PHTF2: variants seen among roughly 807,000 people sequenced by gnomAD.
PHTF2 encodes protein PHTF2.
Under a neutral mutation model 101.2 loss-of-function variants are expected in PHTF2, and 60 were observed. The observed-to-expected ratio is 0.59, with a 90% confidence interval of 0.48 to 0.73. The LOEUF (loss-of-function observed/expected upper bound fraction) is 0.73, where lower values mean the gene tolerates loss of function less well. PHTF2 is among the 30% of genes least tolerant of loss of function. The probability of loss-of-function intolerance (pLI) is 0.00; values close to 1 mark genes in which losing one functional copy is unlikely to be tolerated. For missense variants in PHTF2, 747 were observed against 908.7 expected, an observed-to-expected ratio of 0.82 and a Z score of 2.29; for synonymous variants, 311 against 307.3, an observed-to-expected ratio of 1.01 and a Z score of -0.13.
At chr7:77,861,446 T>A (rs967660476) in intron 3 of PHTF2, among the ~76,000 whole-genome samples, 1 of 152,214 alleles carries the variant, frequency 6.6e-6, no homozygotes, top group African/African-American at 2.4e-5. Flanking sequence ...TTTCTTTTAC[T>A]TTTGACTCTT....
chr7:77,949,800 A>G, exon 17 of PHTF2: 1 of 1,535,098 alleles, frequency 6.5e-7, no homozygotes, highest in Non-Finnish European at 8.9e-7. Flanking sequence ...CAAGTAAAAA[A>G]TATAGTAATA....
At position 77,949,852 on chromosome 7, in the gene PHTF2, T is replaced by C. The variant is rs986755233; in HGVS notation, c.2115+19T>C. 7.8e-7 allele frequency: 1 copy of C among 1,281,288 alleles called. No individual in the cohort carries two copies. Among genetic ancestry groups the C allele is most frequent in the South Asian group, 1.4e-5 (1 of 71,862 alleles). 79.4% of individuals were successfully genotyped at this position (1,281,288 alleles called of 1,614,324 possible). On this transcript the variant is annotated intron_variant, in intron 17 of 19. Transcript: ENST00000416283. ...TGAACAGGTGAGTGTGCCTACTTAT[T>C]ATGCTACAAATTAATGTCTATAAGT...
chr7:77,868,738 C>G (rs1162536746), intron 3 of PHTF2, among the ~76,000 whole-genome samples: 7 of 152,118 alleles, frequency 4.6e-5, no homozygotes, highest in Non-Finnish European at 1.5e-5. Flanking sequence ...AGCCTATGGG[C>G]TTTTATGCTT....
chr7:77,896,890 G>A (rs1186891948), intron 5 of PHTF2, among the ~76,000 whole-genome samples: 1 of 152,110 alleles, frequency 6.6e-6, no homozygotes, highest in East Asian at 1.9e-4. Flanking sequence ...AGAAATCAAA[G>A]ACATGAAAAT....
At chr7:77,833,007 T>TA (rs1375125646) in intron 1 of PHTF2, among the ~76,000 whole-genome samples, 1 of 152,140 alleles carries the variant, frequency 6.6e-6, no homozygotes, top group African/African-American at 2.4e-5. Context: ...CGTAACAGTA[T>TA]ACTCTAATGA....
At chr7:77,861,778 C>G (rs567708191) in intron 3 of PHTF2, among the ~76,000 whole-genome samples, 37 of 152,262 alleles carry the variant, frequency 2.4e-4, no homozygotes, top group Non-Finnish European at 4.1e-4. Context: ...CAAAAATTAG[C>G]CAGCTGTGGT....
chr7:77,823,106 G>C (rs1022572646), intron 1 of PHTF2, among the ~76,000 whole-genome samples: 2 of 151,602 alleles, frequency 1.3e-5, no homozygotes, highest in South Asian at 2.1e-4. Context: ...GGGTTTCACC[G>C]TGTTAGCCAG....
At chr7:77,805,371 G>A (rs1046317960) in intron 1 of PHTF2, among the ~76,000 whole-genome samples, 10 of 151,846 alleles carry the variant, frequency 6.6e-5, no homozygotes, top group South Asian at 2.1e-4. Flanking sequence ...CCAGTTTTTC[G>A]TTTTCTATGT....
At chr7:77,829,219 T>G (rs1362300628) in intron 1 of PHTF2, among the ~76,000 whole-genome samples, 3 of 152,148 alleles carry the variant, frequency 2.0e-5, no homozygotes, top group African/African-American at 7.2e-5. Flanking sequence ...TCACTTAGAT[T>G]TTGTAACAGC....
intron 1 of PHTF2, among the ~76,000 whole-genome samples, chr7:77,808,434 C>T (rs1177196640): frequency 1.3e-5 from 2 of 152,212 alleles, no homozygotes; most frequent in East Asian, 1.9e-4. Flanking sequence ...TCTGTCTCCT[C>T]ATCATGAATT....
intron 2 of PHTF2, among the ~76,000 whole-genome samples, chr7:77,841,815 A>G (rs2150582428): frequency 6.6e-6 from 1 of 152,362 alleles, no homozygotes; most frequent in Middle Eastern, 3.4e-3. Context: ...AGCTAAAGAA[A>G]ATTGTAAGTT....
chr7:77,954,262 T>G (rs1806791271), intron 19 of PHTF2, among the ~76,000 whole-genome samples: 1 of 152,048 alleles, frequency 6.6e-6, no homozygotes, highest in Non-Finnish European at 1.5e-5. Flanking sequence ...GCCTCCCAAG[T>G]AGCTGGGACT....
chr7:77,904,271 T>C (rs1801652482), intron 7 of PHTF2, among the ~76,000 whole-genome samples: 1 of 152,222 alleles, frequency 6.6e-6, no homozygotes, highest in South Asian at 2.1e-4. Context: ...GACATGCAAC[T>C]CCCTTTGCGT....
chr7:77,929,055 G>C (rs1804320964), intron 11 of PHTF2, 54 bp from the exon 11 acceptor site: 1 of 1,308,760 alleles, frequency 7.6e-7, no homozygotes, highest in Admixed American at 1.9e-5. Flanking sequence ...AGTATCCTTT[G>C]AGTTGGAAAG....
At chr7:77,923,474 C>T (rs1803672092) in intron 11 of PHTF2, 1 of 985,238 alleles carries the variant, frequency 1.0e-6, no homozygotes, top group Non-Finnish European at 1.2e-6. Context: ...ACATGTTACG[C>T]TGTGCTGGAA....
chr7:77,943,886 T>G (rs1805834951), intron 16 of PHTF2, among the ~76,000 whole-genome samples: 1 of 151,802 alleles, frequency 6.6e-6, no homozygotes, highest in African/African-American at 2.4e-5. Context: ...GGCATGGTGG[T>G]AGGCGCCTGT....
intron 12 of PHTF2, among the ~76,000 whole-genome samples, chr7:77,931,297 G>A (rs948060004): frequency 3.9e-5 from 6 of 152,254 alleles, no homozygotes; most frequent in South Asian, 2.1e-4. Context: ...AACTTTGGGC[G>A]TGTTAAAAGA....
intron 1 of PHTF2, among the ~76,000 whole-genome samples, chr7:77,817,744 C>A (rs1250171622): frequency 1.3e-5 from 2 of 152,148 alleles, no homozygotes; most frequent in Non-Finnish European, 2.9e-5. Flanking sequence ...ACATGTATGT[C>A]TTCTTTTGAG....
chr7:77,896,718 A>C (rs1376754701), intron 5 of PHTF2, among the ~76,000 whole-genome samples: 1 of 152,196 alleles, frequency 6.6e-6, no homozygotes. Context: ...TATTTATTCT[A>C]AGGAAGTTAG....
Sources: gnomAD v4.1 joint callset for allele counts (sites outside exome capture counted in the v4.1 genomes callset) on GRCh38, gnomAD v4.1.1 for gene constraint, MANE v1.5 for transcripts, NCBI Gene and HGNC (gene_info 2026-07-23, HGNC 2026-07-21) for gene names.